The following HAUS6 variants were observed in gnomAD, a reference collection of about 807,000 sequenced individuals.
HAUS6 encodes HAUS augmin-like complex subunit 6.
In HAUS6, 80 loss-of-function variants were observed where a neutral mutation model predicts 106.8. That is an observed-to-expected ratio of 0.75 (90% CI 0.63 to 0.90). HAUS6 has a LOEUF of 0.90. Among genes scored for constraint, HAUS6 ranks in the 40% least tolerant of loss-of-function variants. The pLI is 0.00. For missense variants in HAUS6, 1,155 were observed against 1,118.1 expected, an observed-to-expected ratio of 1.03 and a Z score of -0.47; for synonymous variants, 356 against 379.1, an observed-to-expected ratio of 0.94 and a Z score of 0.71.
intron 5 of HAUS6, among the ~76,000 whole-genome samples, chr9:19,088,894 T>A (rs1326193366): frequency 2.6e-5 from 4 of 151,832 alleles, no homozygotes; most frequent in African/African-American, 9.7e-5. Context: ...AATAAATAAA[T>A]AAGTAAAGTG....
intron 14 of HAUS6, among the ~76,000 whole-genome samples, chr9:19,061,519 C>G (rs555484165): frequency 2.0e-5 from 3 of 151,798 alleles, no homozygotes; most frequent in African/African-American, 7.3e-5. Context: ...GAAACTAGAC[C>G]TCATGTTACA....
chr9:19,072,676 TG>T (rs1452962048), intron 11 of HAUS6, among the ~76,000 whole-genome samples: 1 of 152,016 alleles, frequency 6.6e-6, no homozygotes, highest in African/African-American at 2.4e-5. Context: ...TGAGTGCAAA[TG>T]AAGACATTTT....
intron 11 of HAUS6, among the ~76,000 whole-genome samples, chr9:19,075,783 G>C (rs1012039666): frequency 6.6e-6 from 1 of 150,942 alleles, no homozygotes; most frequent in Non-Finnish European, 1.5e-5. Flanking sequence ...GTGAAACTCC[G>C]TCTCTACTAA....
In HAUS6 at chr9:19,096,865, T is replaced by C. The variant is rs145701349; in HGVS notation, c.129-96A>G. ...GTAAGACTTTGACACAAATTAATGT[T>C]TTCATTCTCTTCAGGAAGTCAAGGC... On this transcript the variant is annotated intron_variant, in intron 1 of 16. Transcript: ENST00000380502. 6.5e-4 allele frequency: 363 copies of C among 559,866 alleles called. 1 individual carries two copies. The African/African-American group carries it at 6.7e-3, about 10-fold the overall frequency. The allele number at this position is 559,866 out of a possible 1,614,324, so 34.7% of individuals were successfully genotyped here.
At chr9:19,095,569 G>C (rs548031752) in intron 2 of HAUS6, among the ~76,000 whole-genome samples, 1 of 149,528 alleles carries the variant, frequency 6.7e-6, no homozygotes, top group Admixed American at 6.7e-5. Context: ...CTTAATAATA[G>C]GGAATTCCAA....
In HAUS6 at chr9:19,094,133, T is replaced by A. The variant is rs567072660; in HGVS notation, c.303+184A>T. On this transcript the variant is annotated intron_variant, in intron 3 of 16. Coordinates refer to ENST00000380502, the MANE Select transcript of HAUS6 (RefSeq NM_017645.5). ...TTTCAGTACACCTGGCCAGCAAAGC[T>A]GGTTTCTTCGAAATATATAGAATCC... Among the ~76,000 whole-genome samples the A allele has an allele frequency of 2.0e-5, 3 of 152,344 alleles. No individual in the cohort carries two copies. In the East Asian group the frequency reaches 5.8e-4, roughly 29 times the overall value.
intron 12 of HAUS6, among the ~76,000 whole-genome samples, chr9:19,066,830 CAAAAA>C (rs71333078): frequency 3.2e-4 from 26 of 82,094 alleles, no homozygotes; most frequent in Non-Finnish European, 4.2e-4. Flanking sequence ...CTCATCTCTA[CAAAAA>C]AAAAAAAAAA....
chr9:19,079,509 G>C (rs186476560), intron 9 of HAUS6, among the ~76,000 whole-genome samples: 3 of 151,930 alleles, frequency 2.0e-5, no homozygotes, highest in African/African-American at 7.2e-5. Flanking sequence ...GGGATTACAA[G>C]TGTGAGCCAC....
chr9:19,068,053 A>G (rs10811108), intron 12 of HAUS6, among the ~76,000 whole-genome samples: 69,105 of 151,346 alleles, frequency 0.46, 17,085 homozygotes, highest in African/African-American at 0.67. Context: ...TCTGCTATAT[A>G]TATTAATCTA....
intron 15 of HAUS6, among the ~76,000 whole-genome samples, chr9:19,059,298 C>T (rs1176668230): frequency 6.6e-6 from 1 of 152,216 alleles, no homozygotes; most frequent in Non-Finnish European, 1.5e-5. Flanking sequence ...TCCATCTAAG[C>T]CACAGTTTGG....
At chr9:19,059,049 G>C (rs201485343) in intron 15 of HAUS6, 48 bp from the exon 16 acceptor site, 7 of 998,880 alleles carry the variant, frequency 7.0e-6, no homozygotes, top group South Asian at 3.0e-5. Context: ...CCCAAACATA[G>C]AGCATGCAAT....
intron 1 of HAUS6, among the ~76,000 whole-genome samples, chr9:19,099,172 T>G (rs1429686877): frequency 9.5e-5 from 9 of 95,006 alleles, no homozygotes; most frequent in South Asian, 3.0e-4. Context: ...TTTTTTTGTG[T>G]TTTTTTTTTT....
chr9:19,062,338 A>C (rs1836642261), intron 14 of HAUS6, among the ~76,000 whole-genome samples: 1 of 152,224 alleles, frequency 6.6e-6, no homozygotes, highest in South Asian at 2.1e-4. Flanking sequence ...TAAGCAACAA[A>C]CAACACTGAC....
At chr9:19,092,541 G>A (rs747550776) in intron 4 of HAUS6, among the ~76,000 whole-genome samples, 6 of 150,124 alleles carry the variant, frequency 4.0e-5, no homozygotes, top group Admixed American at 1.3e-4. Context: ...CTTGAACCCA[G>A]GAGGCAGAGG....
intron 11 of HAUS6, among the ~76,000 whole-genome samples, chr9:19,075,363 T>C (rs1588610205): frequency 1.3e-5 from 2 of 152,240 alleles, no homozygotes; most frequent in Admixed American, 6.5e-5. Context: ...TTGTACATTT[T>C]CAATGGGTGA....
chr9:19,094,248 A>C (rs1817814222), intron 3 of HAUS6, 69 bp downstream of exon 3: 1 of 887,898 alleles, frequency 1.1e-6, no homozygotes. Context: ...TTCACCTCTA[A>C]AAAGTTAAAG....
At chr9:19,089,607 TAGTGGGTTATC>T in intron 4 of HAUS6, 48 bp from the exon 5 acceptor site, 2 of 1,424,070 alleles carry the variant, frequency 1.4e-6, no homozygotes, top group Non-Finnish European at 1.9e-6. Context: ...GGTCTGATAG[TAGTGGGTTATC>T]AGAAATGAAC....
intron 7 of HAUS6, 70 bp from the exon 8 acceptor site, chr9:19,083,113 G>A: frequency 4.9e-6 from 4 of 815,642 alleles, no homozygotes; most frequent in South Asian, 3.1e-5. Flanking sequence ...GTAAATGTAT[G>A]TTCACTCTTA....
chr9:19,086,686 TCA>T (rs1197828900), intron 7 of HAUS6, 46 bp downstream of exon 7: 1 of 817,826 alleles, frequency 1.2e-6, no homozygotes, highest in Middle Eastern at 2.3e-4. Flanking sequence ...ACACTGCGTA[TCA>T]CAGAATTTTA....
Sources: allele counts gnomAD v4.1 joint callset (sites outside exome capture counted in the v4.1 genomes callset), GRCh38; gene constraint gnomAD v4.1.1; transcripts MANE v1.5; gene names NCBI Gene and HGNC (gene_info 2026-07-23, HGNC 2026-07-21).